Variants in WIPI2 observed in about 807,000 individuals in gnomAD.
WIPI2 encodes WD repeat domain, phosphoinositide interacting 2.
A neutral mutation model predicts 52.3 loss-of-function variants in WIPI2; 28 were observed. The ratio of observed to expected loss-of-function variants is 0.54; its 90% confidence interval spans 0.40 to 0.73. The LOEUF is 0.73. WIPI2 is among the 30% of genes least tolerant of loss of function. WIPI2 has a pLI of 0.00. For synonymous variants in WIPI2, 268 were observed against 245.0 expected (o/e 1.09, Z -0.88); for missense variants, 506 against 602.9 (o/e 0.84, Z 1.68).
At chr7:5,191,931 G>A (rs1179480295) in intron 1 of WIPI2, among the ~76,000 whole-genome samples, 1 of 152,140 alleles carries the variant, frequency 6.6e-6, no homozygotes, top group Admixed American at 6.5e-5. Flanking sequence ...TACAGATGAG[G>A]AAATCCTTCC....
At chr7:5,220,990 G>T (rs1372657385) in intron 7 of WIPI2, among the ~76,000 whole-genome samples, 1 of 137,234 alleles carries the variant, frequency 7.3e-6, no homozygotes, top group Admixed American at 7.9e-5. Flanking sequence ...TTGAGACGGA[G>T]TCTTGCTGTG....
At chr7:5,194,433 C>CA (rs1781641804) in intron 2 of WIPI2, among the ~76,000 whole-genome samples, 1 of 152,064 alleles carries the variant, frequency 6.6e-6, no homozygotes, top group Admixed American at 6.6e-5. Context: ...GGAAAATAAG[C>CA]AAAAAATCTG....
intron 6 of WIPI2, chr7:5,217,565 G>A (rs1782880910): frequency 2.5e-6 from 1 of 402,250 alleles, no homozygotes; most frequent in Non-Finnish European, 4.7e-6. Context: ...CTAAAGTGCT[G>A]GGACTACAGG....
At chr7:5,210,499 G>A (rs1018137870) in intron 3 of WIPI2, among the ~76,000 whole-genome samples, 5 of 152,056 alleles carry the variant, frequency 3.3e-5, no homozygotes, top group Non-Finnish European at 7.4e-5. Flanking sequence ...TGGCAGTTTC[G>A]GTGCCACACA....
At chr7:5,209,462 C>T (rs866613500) in intron 3 of WIPI2, among the ~76,000 whole-genome samples, 1 of 152,222 alleles carries the variant, frequency 6.6e-6, no homozygotes. Flanking sequence ...AAAGAAGGTT[C>T]TTCCTAATTC....
Position 5,214,587 on chromosome 7 carries a change from G to A in WIPI2, c.264G>A (p.Val88=), listed in dbSNP as rs41280678. 27,755 of 1,614,246 alleles carry A rather than the reference G, an allele frequency of 0.017. 327 individuals carry two copies. The highest frequency in any genetic ancestry group is 0.022 in the South Asian group (2,016 of 91,084). Residue 88 remains valine, a synonymous_variant, in exon 4 of 13, where the codon GTG becomes GTA. Coordinates refer to ENST00000288828, the MANE Select transcript of WIPI2 (RefSeq NM_015610.4). ...AGAGATTGTTCTCCAGCAGCCTAGT[G>A]GCCATCGTCAGCCTTAAAGCACCAA... ...IVERLFSSSL[V]AIVSLKAPRK... is the part of the protein sequence containing the mutation.
intron 3 of WIPI2, among the ~76,000 whole-genome samples, chr7:5,200,853 A>AC (rs768326380): frequency 1.1e-4 from 17 of 152,084 alleles, no homozygotes; most frequent in Admixed American, 5.2e-4. Context: ...AAGAGCAAGT[A>AC]CCCAGGCCCT....
intron 3 of WIPI2, among the ~76,000 whole-genome samples, chr7:5,204,337 C>T (rs1319752401): frequency 6.6e-6 from 1 of 152,054 alleles, no homozygotes; most frequent in East Asian, 1.9e-4. Context: ...CATGGTGGCG[C>T]GCTCCTGTAA....
At chr7:5,229,052 G>C (rs1249488173) in intron 11 of WIPI2, among the ~76,000 whole-genome samples, 1 of 151,380 alleles carries the variant, frequency 6.6e-6, no homozygotes, top group Non-Finnish European at 1.5e-5. Flanking sequence ...GTCTCACTCT[G>C]TCACCCAGGC....
chr7:5,221,050 GC>G (rs1182475826), intron 7 of WIPI2, among the ~76,000 whole-genome samples: 1 of 142,442 alleles, frequency 7.0e-6, no homozygotes, highest in African/African-American at 2.6e-5. Context: ...TGCAACCTCC[GC>G]CTCCTGGGTT....
chr7:5,217,261 T>G, intron 6 of WIPI2, 74 bp downstream of exon 6: 1 of 1,489,822 alleles, frequency 6.7e-7, no homozygotes, highest in South Asian at 1.1e-5. Flanking sequence ...GTGGTGTCCC[T>G]GGCATCCTGA....
At chr7:5,196,344 A>G (rs925928884) in intron 2 of WIPI2, among the ~76,000 whole-genome samples, 2 of 152,144 alleles carry the variant, frequency 1.3e-5, no homozygotes, top group African/African-American at 4.8e-5. Context: ...GCAAAACTCC[A>G]TCTAAAAAAA....
At position 5,190,256 on chromosome 7, in the gene WIPI2, G is replaced by A. The variant is rs1042494505; in HGVS notation, c.-164G>A. 3 of 352,136 alleles carry A rather than the reference G, an allele frequency of 8.5e-6. No individual in the cohort carries two copies. The highest frequency in any genetic ancestry group is 5.6e-5 in the East Asian group (1 of 17,758). 21.8% of individuals were successfully genotyped at this position (352,136 alleles called of 1,614,324 possible). The stretch of plus-strand genomic sequence containing the variant: ...GCGTACCGGGTGCCCCGGCTCTGGA[G>A]CATAAACAAGAGCGGGGACGGGATG... On this transcript the variant is annotated 5_prime_UTR_variant, in exon 1 of 13. Coordinates refer to ENST00000288828, the MANE Select transcript of WIPI2 (RefSeq NM_015610.4).
chr7:5,216,403 G>A (rs762125796), intron 4 of WIPI2, among the ~76,000 whole-genome samples, 160 bp from the exon 5 acceptor site: 6 of 152,174 alleles, frequency 3.9e-5, no homozygotes, highest in Non-Finnish European at 7.3e-5. Flanking sequence ...CTGCACTCCA[G>A]CCCGGGTGAC....
Position 5,233,589 on chromosome 7 carries a change from C to CAAGA in WIPI2, c.*2643_*2646dup, listed in dbSNP as rs1783830552. 1 of 152,578 alleles carries CAAGA rather than the reference C, an allele frequency of 6.6e-6. No homozygotes were observed. Among genetic ancestry groups the CAAGA allele is most frequent in the African/African-American group, 2.4e-5 (1 of 41,434 alleles). 9.5% of individuals were successfully genotyped at this position (152,578 alleles called of 1,614,324 possible). ...TCTGTAATCTCTAAAACAATGGGAC[C>CAAGA]AAGAGCTGGATGGAACCTGGAGTCA... On this transcript the variant is annotated 3_prime_UTR_variant, in exon 13 of 13. Coordinates refer to ENST00000288828, the MANE Select transcript of WIPI2 (RefSeq NM_015610.4).
At chr7:5,190,765 C>T (rs1197494667) in intron 1 of WIPI2, 1 of 329,390 alleles carries the variant, frequency 3.0e-6, no homozygotes, top group Non-Finnish European at 5.5e-6. Flanking sequence ...GGCCCCCTGG[C>T]TTCAGACTTA....
At chr7:5,216,959 G>A in intron 5 of WIPI2, 131 bp from the exon 6 acceptor site, 2 of 1,013,540 alleles carry the variant, frequency 2.0e-6, no homozygotes, top group South Asian at 1.6e-5. Flanking sequence ...TCCTAACACA[G>A]CAAACAAGAT....
intron 2 of WIPI2, chr7:5,193,470 GAGAAA>G: frequency 3.2e-6 from 2 of 615,976 alleles, no homozygotes; most frequent in Non-Finnish European, 4.8e-6. Flanking sequence ...GAGACAACAG[GAGAAA>G]CCTGTTGTTT....
chr7:5,220,925 C>T (rs189044904), intron 7 of WIPI2, among the ~76,000 whole-genome samples: 32 of 150,950 alleles, frequency 2.1e-4, no homozygotes, highest in Middle Eastern at 3.5e-3. Context: ...TCCCAACTAG[C>T]TGGGACTACA....
Sources: gnomAD v4.1 joint callset for allele counts (sites outside exome capture counted in the v4.1 genomes callset) on GRCh38, gnomAD v4.1.1 for gene constraint, MANE v1.5 for transcripts, NCBI Gene and HGNC (gene_info 2026-07-23, HGNC 2026-07-21) for gene names.